Variants in AMN observed in about 807,000 individuals in gnomAD.
AMN encodes the protein protein amnionless.
Under a neutral mutation model 49.1 loss-of-function variants are expected in AMN, and 40 were observed. The observed-to-expected ratio is 0.81, with a 90% CI of 0.63 to 1.06. The LOEUF (loss-of-function observed/expected upper bound fraction) is 1.06. AMN is among the 50% of genes least tolerant of loss of function. The pLI is 0.00. For missense variants in AMN, 701 were observed against 662.8 expected (o/e 1.06, Z -0.63); for synonymous variants, 380 against 313.3 (o/e 1.21, Z -2.25).
chr14:102,928,988 G>A lies in AMN; in HGVS notation c.513+13G>A. 3 of 1,597,286 alleles carry A rather than the reference G, an allele frequency of 1.9e-6. No homozygotes were observed. Among genetic ancestry groups the A allele is most frequent in the Non-Finnish European group, 2.5e-6 (3 of 1,178,956 alleles). On this transcript the variant is annotated intron_variant, in intron 5 of 11. Coordinates refer to ENST00000299155, the MANE Select transcript of AMN (RefSeq NM_030943.4). ...GGCTCTGGGCCGGGTGAGCACTGAG[G>A]GGAGGGAGGCTCGGGTCCCCTCTCC...
chr14:102,928,389 C>G, intron 3 of AMN, 37 bp from the exon 4 acceptor site: 1 of 1,547,008 alleles, frequency 6.5e-7, no homozygotes, highest in Non-Finnish European at 8.7e-7. Flanking sequence ...AGGCCCGGAC[C>G]CCCGCGTGGC....
intron 3 of AMN, among the ~76,000 whole-genome samples, chr14:102,925,772 G>A (rs1891173303): frequency 6.6e-6 from 1 of 152,122 alleles, no homozygotes; most frequent in Non-Finnish European, 1.5e-5. Flanking sequence ...CAGCGCAGGG[G>A]CAGGGGACAG....
In AMN at chr14:102,928,805, C is replaced by T. The variant is rs762369943; in HGVS notation, c.343C>T (p.Pro115Ser). The T allele has an allele frequency of 3.7e-6, 6 of 1,608,166 alleles. No homozygotes were observed. Among genetic ancestry groups the T allele is most frequent in the African/African-American group, 2.7e-5 (2 of 74,924 alleles). The change falls in exon 5 of 12, where the codon CCG (proline) becomes TCG (serine). Residue 115 changes from proline (P) to serine (S), a missense_variant. Coordinates refer to ENST00000299155, the MANE Select transcript of AMN (RefSeq NM_030943.4). ...RDSDRFSWHD[P>S]HLWRSGDEAP... The stretch of plus-strand genomic sequence containing the variant: ...CTCTGACCGCTTCTCCTGGCATGAC[C>T]CGCACCTGTGGCGCTCTGGGGACGA...
chr14:102,923,964 C>T lies in AMN; in HGVS notation c.192C>T (p.His64=), dbSNP rs771819877. The T allele has an allele frequency of 3.7e-6, 6 of 1,613,270 alleles. No homozygotes were observed. The South Asian group carries it at 6.6e-5, about 18-fold the overall frequency. ...TGTCAGTCCTGGTGCAAGAAGGTCACGCCGTCTCAGACATGGTAAGGCCGG... is the reference window on the plus strand; with the variant it reads ...TGTCAGTCCTGGTGCAAGAAGGTCATGCCGTCTCAGACATGGTAAGGCCGG... ...KMVSVLVQEG[H]AVSDMLLPLD... The change falls in exon 3 of 12, where the codon CAC becomes CAT. Residue 64 remains histidine, a synonymous_variant. Transcript: ENST00000299155.
rs1035092766 is a variant in AMN, at chr14:102,927,664, T to C, written c.208-762T>C. Among the ~76,000 whole-genome samples the C allele has an allele frequency of 5.8e-4, 88 of 152,302 alleles. 1 individual carries two copies. Among genetic ancestry groups the C allele is most frequent in the African/African-American group, 1.9e-3 (80 of 41,558 alleles). ...CTGCTGTGCTGAGCCCCTCACAACC[T>C]GGCAGCAAGGGTTGCCCTGGCCCAG... On this transcript the variant is annotated intron_variant, in intron 3 of 11. Transcript: ENST00000299155.
chr14:102,928,310 C>G, intron 3 of AMN, 116 bp from the exon 4 acceptor site: 1 of 939,680 alleles, frequency 1.1e-6, no homozygotes, highest in Non-Finnish European at 1.6e-6. Context: ...TGAGCTCGCC[C>G]GGGCTCCTTC....
rs746596986 is a variant in AMN at position 102,929,965 on chromosome 14, A to G, written c.885A>G (p.Pro295=). ...HGLQVAVSKV[P]RSSRLREADT... is the part of the protein sequence containing the mutation. ...TGCAGGTGGCCGTGTCCAAGGTGCCACGCTCGTCCCGGCTCCGTGAGGCCG... is the reference window on the plus strand; with the variant it reads ...TGCAGGTGGCCGTGTCCAAGGTGCCGCGCTCGTCCCGGCTCCGTGAGGCCG... The change falls in exon 9 of 12, where the codon CCA becomes CCG. Residue 295 remains proline, a synonymous_variant. Transcript: ENST00000299155. The G allele has an allele frequency of 3.2e-6, 5 of 1,564,254 alleles. No homozygotes were observed. The African/African-American group carries it at 5.4e-5, about 17-fold the overall frequency.
In AMN at chr14:102,928,753, C is replaced by G; in HGVS notation, c.296-5C>G. The G allele has an allele frequency of 1.9e-6, 3 of 1,606,370 alleles. No individual in the cohort carries two copies. The South Asian group carries it at 3.3e-5, about 18-fold the overall frequency. On this transcript the variant is annotated splice_polypyrimidine_tract_variant and splice_region_variant and intron_variant, in intron 4 of 11. Coordinates refer to ENST00000299155, the MANE Select transcript of AMN (RefSeq NM_030943.4). Reference sequence around the variant, plus strand: ...CGTGGAGCTCAGGGATGTGCTCCGGCTCAGGCGAACCTGCCGTCTTCCGCG... The same window carrying G: ...CGTGGAGCTCAGGGATGTGCTCCGGGTCAGGCGAACCTGCCGTCTTCCGCG...
rs780417907 is a variant in AMN at position 102,930,604 on chromosome 14, C to G, written c.1286C>G (p.Pro429Arg). ...LPLPRRLSLV[P>R]KAAADSTSHS... ...CTGCCGCGGCGGCTCAGCCTGGTTC[C>G]GAAGGCGGCCGCAGACAGCACCAGC... The change falls in exon 12 of 12, where the codon CCG (proline) becomes CGG (arginine). Residue 429 changes from proline to arginine, a missense_variant. Pro to Arg is a moderately radical substitution (Grantham distance 103). Coordinates refer to ENST00000299155, the MANE Select transcript of AMN (RefSeq NM_030943.4). 1 of 1,588,530 alleles carries G rather than the reference C, an allele frequency of 6.3e-7. No homozygotes were observed. Among genetic ancestry groups the G allele is most frequent in the Non-Finnish European group, 8.5e-7 (1 of 1,169,594 alleles).
At chr14:102,928,348 C>A in intron 3 of AMN, 78 bp from the exon 4 acceptor site, 2 of 1,360,872 alleles carry the variant, frequency 1.5e-6, no homozygotes, top group Non-Finnish European at 1.0e-6. Context: ...CTTCTCGTCC[C>A]AGGGGACTGG....
intron 3 of AMN, among the ~76,000 whole-genome samples, chr14:102,925,890 G>T (rs1401490662): frequency 6.6e-6 from 1 of 152,178 alleles, no homozygotes; most frequent in Admixed American, 6.5e-5. Flanking sequence ...CTGGCTCCCA[G>T]CTTCATCCAT....
At chr14:102,929,841 A>G in intron 8 of AMN, 83 bp from the exon 9 acceptor site, 1 of 1,543,544 alleles carries the variant, frequency 6.5e-7, no homozygotes, top group East Asian at 2.5e-5. Flanking sequence ...TCACTTGCCC[A>G]CTATCTGCCT....
Position 102,922,823 on chromosome 14 carries a change from T to C in AMN, c.43+92T>C, listed in dbSNP as rs548366137. On this transcript the variant is annotated intron_variant, in intron 1 of 11. Transcript: ENST00000299155. ...GCTCTAGGCCTGGAGGGTGAAGATCTTCCGAGGAGTGGGCAGGGAGGGCTT... is the reference window on the plus strand; with the variant it reads ...GCTCTAGGCCTGGAGGGTGAAGATCCTCCGAGGAGTGGGCAGGGAGGGCTT... The C allele has an allele frequency of 1.7e-5, 26 of 1,486,684 alleles. No homozygotes were observed. The African/African-American group carries it at 2.8e-4, about 16-fold the overall frequency. 92.1% of individuals were successfully genotyped at this position (1,486,684 alleles called of 1,614,324 possible).
At chr14:102,926,499 C>G (rs965401646) in intron 3 of AMN, among the ~76,000 whole-genome samples, 4 of 151,954 alleles carry the variant, frequency 2.6e-5, no homozygotes, top group Non-Finnish European at 5.9e-5. Flanking sequence ...CTCCAAGGTT[C>G]TTTGTGGATC....
intron 3 of AMN, among the ~76,000 whole-genome samples, chr14:102,925,930 G>A (rs867069778): frequency 6.6e-6 from 1 of 152,144 alleles, no homozygotes; most frequent in Non-Finnish European, 1.5e-5. Flanking sequence ...GTAACAGGCC[G>A]TGCACATCAG....
chr14:102,928,713 G>GC (rs1465869139), intron 4 of AMN, 45 bp from the exon 5 acceptor site: 1 of 1,581,624 alleles, frequency 6.3e-7, no homozygotes, highest in Admixed American at 1.7e-5. Context: ...GCGTGGTGTG[G>GC]CGCGGCGCTT....
chr14:102,924,047 G>A lies in AMN; in HGVS notation c.207+68G>A. Reference sequence around the variant, plus strand: ...AGTCTCTGAAGCGCCTTCAGGGACTGCTGTGCCTTGAGGGCGGACCCCACC... The same window carrying A: ...AGTCTCTGAAGCGCCTTCAGGGACTACTGTGCCTTGAGGGCGGACCCCACC... On this transcript the variant is annotated intron_variant, in intron 3 of 11. Transcript: ENST00000299155. 6.2e-6 allele frequency: 10 copies of A among 1,603,020 alleles called. No homozygotes were observed. In the Admixed American group the frequency reaches 8.3e-5, roughly 13 times the overall value.
chr14:102,926,342 T>C (rs191265020), intron 3 of AMN, among the ~76,000 whole-genome samples: 94 of 152,336 alleles, frequency 6.2e-4, no homozygotes, highest in African/African-American at 2.0e-3. Flanking sequence ...TGCCCTTTTG[T>C]TCTAGCACTG....
In AMN at chr14:102,928,447, C is replaced by T. The variant is rs534527113; in HGVS notation, c.229C>T (p.Leu77Phe). Residue 77 changes from leucine to phenylalanine, a missense_variant, in exon 4 of 12, where the codon CTC (leucine) becomes TTC (phenylalanine). By Grantham distance (22) the Leu-to-Phe change is conservative (BLOSUM62 0). Transcript: ENST00000299155. ...SDMLLPLDGE[L>F]VLASGAGFGV... ...GCAGCTCCTGCCGCTGGATGGGGAA[C>T]TCGTCCTGGCTTCAGGAGCCGGATT... 6.2e-7 allele frequency: 1 copy of T among 1,607,986 alleles called. No homozygotes were observed. Among genetic ancestry groups the T allele is most frequent in the East Asian group, 2.2e-5 (1 of 44,616 alleles).
Sources: allele counts gnomAD v4.1 joint callset (sites outside exome capture counted in the v4.1 genomes callset), GRCh38; gene constraint gnomAD v4.1.1; transcripts MANE v1.5; gene names NCBI Gene and HGNC (gene_info 2026-07-23, HGNC 2026-07-21).